KRABD4: variants seen among roughly 807,000 people sequenced by gnomAD.
The protein encoded by KRABD4 is KRAB domain containing 4.
chrX:46,452,752 A>G, the KRABD4 span, among the ~76,000 whole-genome samples: 1 of 112,211 alleles, frequency 8.9e-6, no homozygotes, highest in East Asian at 2.8e-4. Flanking sequence ...AAGTTTATAC[A>G]TCTTGAATTT....
the KRABD4 span, among the ~76,000 whole-genome samples, chrX:46,461,590 C>T: frequency 8.1e-5 from 9 of 111,510 alleles, no homozygotes; most frequent in African/African-American, 2.0e-4. Flanking sequence ...CAAGTGTGGG[C>T]GTGACAGGAT....
the KRABD4 span, among the ~76,000 whole-genome samples, chrX:46,452,221 GCTCT>G: frequency 1.8e-5 from 2 of 109,744 alleles, no homozygotes; most frequent in African/African-American, 6.6e-5. Flanking sequence ...TCCTGCATGT[GCTCT>G]CTCTCTCTCT....
the KRABD4 span, among the ~76,000 whole-genome samples, chrX:46,470,605 G>A: frequency 3.6e-5 from 4 of 109,787 alleles, no homozygotes; most frequent in East Asian, 5.8e-4. Context: ...GAACATTCCT[G>A]TTTTCAACTT....
the KRABD4 span, chrX:46,456,907 G>A: frequency 1.5e-5 from 5 of 323,363 alleles, no homozygotes; most frequent in South Asian, 9.2e-5. Flanking sequence ...TTCTTACTGC[G>A]CTGAGAAAAA....
At chrX:46,468,860 C>T in the KRABD4 span, among the ~76,000 whole-genome samples, 1 of 111,218 alleles carries the variant, frequency 9.0e-6, no homozygotes, top group Non-Finnish European at 1.9e-5. Flanking sequence ...GTTGAGTATC[C>T]CTAATCCAGA....
chrX:46,461,582 A>C, the KRABD4 span, among the ~76,000 whole-genome samples: 1 of 111,700 alleles, frequency 9.0e-6, no homozygotes, highest in African/African-American at 3.3e-5. Flanking sequence ...AAGGCCACCA[A>C]GTGTGGGCGT....
At chrX:46,448,708 G>T in the KRABD4 span, 1 of 113,088 alleles carries the variant, frequency 8.8e-6, no homozygotes, top group African/African-American at 3.2e-5. Context: ...CTGCTGTAGT[G>T]CCTGTAAAGG....
chrX:46,453,804 G>T, the KRABD4 span, among the ~76,000 whole-genome samples: 1 of 111,579 alleles, frequency 9.0e-6, no homozygotes, highest in African/African-American at 3.3e-5. Context: ...GCAAATTCTG[G>T]CAAGAAATGA....
At chrX:46,473,657 T>A in the KRABD4 span, 1 of 22,287 alleles carries the variant, frequency 4.5e-5, no homozygotes, top group Non-Finnish European at 6.5e-5. Flanking sequence ...CAGTGAATCT[T>A]TTTTTTTTTT....
chrX:46,453,385 T>C, the KRABD4 span, among the ~76,000 whole-genome samples: 2 of 112,083 alleles, frequency 1.8e-5, no homozygotes, highest in Admixed American at 1.9e-4. Context: ...TACCTAAATA[T>C]ATATTTGAAA....
the KRABD4 span, chrX:46,474,461 C>A: frequency 5.4e-5 from 6 of 110,982 alleles, no homozygotes; most frequent in African/African-American, 2.0e-4. Flanking sequence ...TGGAACATAT[C>A]CCCCATGGAT....
At chrX:46,463,190 C>T in the KRABD4 span, 12 of 1,208,252 alleles carry the variant, frequency 9.9e-6, no homozygotes, top group Non-Finnish European at 1.3e-5. Flanking sequence ...GTCATTTCCC[C>T]CGAACAGGGT....
chrX:46,455,150 C>T, the KRABD4 span: 2 of 862,424 alleles, frequency 2.3e-6, no homozygotes, highest in East Asian at 3.6e-5. Context: ...GATTTCAACA[C>T]AGCATGATCA....
At chrX:46,469,234 T>C in the KRABD4 span, among the ~76,000 whole-genome samples, 3 of 112,355 alleles carry the variant, frequency 2.7e-5, no homozygotes, top group Admixed American at 2.8e-4. Context: ...TGTCAATTTT[T>C]GCAAAAAAGC....
At chrX:46,462,278 A>T in the KRABD4 span, among the ~76,000 whole-genome samples, 1 of 111,501 alleles carries the variant, frequency 9.0e-6, no homozygotes, top group Non-Finnish European at 1.9e-5. Context: ...TTGGAAGGCT[A>T]AGGCGGGCAG....
chrX:46,449,633 C>G, the KRABD4 span, among the ~76,000 whole-genome samples: 1 of 112,214 alleles, frequency 8.9e-6, no homozygotes, highest in Admixed American at 9.4e-5. Context: ...TTGGAACCTG[C>G]TTTTAAACAC....
chrX:46,454,910 G>T, the KRABD4 span: 1 of 150,427 alleles, frequency 6.6e-6, no homozygotes, highest in Non-Finnish European at 1.3e-5. Context: ...TGTATTTTAT[G>T]TGTGGCCCAA....
chrX:46,460,513 A>G, the KRABD4 span, among the ~76,000 whole-genome samples: 1 of 108,852 alleles, frequency 9.2e-6, no homozygotes, highest in African/African-American at 3.4e-5. Context: ...GGGATGTGGG[A>G]AGGTCCACGG....
the KRABD4 span, chrX:46,456,287 A>G: frequency 9.3e-6 from 1 of 107,307 alleles, no homozygotes; most frequent in African/African-American, 3.3e-5. Context: ...TTAATAATGT[A>G]TTATTAAATT....
Sources: gnomAD v4.1 joint callset for allele counts (sites outside exome capture counted in the v4.1 genomes callset) on GRCh38, gnomAD v4.1.1 for gene constraint, MANE v1.5 for transcripts, NCBI Gene and HGNC (gene_info 2026-07-23, HGNC 2026-07-21) for gene names.